BCAS3: variants seen among roughly 807,000 people sequenced by gnomAD.
The protein encoded by BCAS3 is BCAS4/BCAS3 fusion.
BCAS3 carries 53 observed loss-of-function variants against 116.1 expected under a neutral mutation model. The ratio of observed to expected loss-of-function variants is 0.46; its 90% CI spans 0.37 to 0.57. The LOEUF (loss-of-function observed/expected upper bound fraction) is 0.57. Among genes scored for constraint, BCAS3 ranks in the 20% least tolerant of loss-of-function variants. BCAS3 has a pLI of 0.00. For missense variants in BCAS3, 917 were observed against 1,165.4 expected (o/e 0.79, Z 3.10); for synonymous variants, 391 against 408.2 (o/e 0.96, Z 0.51).
intron 13 of BCAS3, among the ~76,000 whole-genome samples, chr17:60,934,519 T>G (rs1426922149): frequency 6.6e-6 from 1 of 152,230 alleles, no homozygotes; most frequent in Non-Finnish European, 1.5e-5. Context: ...GGTACATACA[T>G]GCAAAGCAGC....
At chr17:60,880,935 G>A (rs1336443234) in intron 9 of BCAS3, among the ~76,000 whole-genome samples, 1 of 150,490 alleles carries the variant, frequency 6.6e-6, no homozygotes, top group East Asian at 1.9e-4. Context: ...TCTTTAGATT[G>A]TCTTTTCACT....
chr17:60,710,470 T>C lies in BCAS3; in HGVS notation c.321+1145T>C, dbSNP rs182336522. 3.4e-3 allele frequency among the ~76,000 whole-genome samples: 513 copies of C among 151,402 alleles called. 7 individuals carry two copies. The East Asian group carries it at 0.057, about 17-fold the overall frequency. ...TTTTTGAGACAGAGTTTCACTCTGT[T>C]GCCCAGGCTGGAGTGCAGTGGCGCA... On this transcript the variant is annotated intron_variant, in intron 5 of 23. Coordinates refer to ENST00000407086, the MANE Select transcript of BCAS3 (RefSeq NM_017679.5).
intron 22 of BCAS3, among the ~76,000 whole-genome samples, chr17:61,096,402 T>G (rs1319241043): frequency 1.3e-5 from 2 of 152,086 alleles, no homozygotes; most frequent in African/African-American, 2.4e-5. Context: ...AAAAAAAATT[T>G]TTAAATTAGC....
chr17:61,210,027 T>C (rs978524209), intron 22 of BCAS3, among the ~76,000 whole-genome samples: 7 of 152,218 alleles, frequency 4.6e-5, no homozygotes, highest in African/African-American at 1.7e-4. Flanking sequence ...AGAAACCCAG[T>C]TGAATGTGGT....
intron 22 of BCAS3, among the ~76,000 whole-genome samples, chr17:61,329,775 C>A (rs1189981434): frequency 2.4e-5 from 3 of 127,490 alleles, no homozygotes; most frequent in African/African-American, 7.9e-5. Flanking sequence ...TTCCATCCTA[C>A]GTTCGTCCTC....
rs1349994948 is a variant in BCAS3, at chr17:61,122,328, A to G, written c.2425+37764A>G. Among the ~76,000 whole-genome samples, 2 of 152,354 alleles carry G rather than the reference A, an allele frequency of 1.3e-5. No homozygotes were observed. The highest frequency in any genetic ancestry group is 4.8e-5 in the African/African-American group (2 of 41,582). ...AGGAGGCCTTCTGAAAATCTGTCTC[A>G]CATTCACTCAGGCTGCCCTTGGTTT... is the stretch of plus-strand genomic sequence containing the variant. On this transcript the variant is annotated intron_variant, in intron 22 of 23. Coordinates refer to ENST00000407086, the MANE Select transcript of BCAS3 (RefSeq NM_017679.5). The surrounding 1 kb of genome is among the most constrained non-coding windows in gnomAD (Gnocchi z 4.6).
At position 61,349,727 on chromosome 17, in the gene BCAS3, C is replaced by G. The variant is rs1401436256; in HGVS notation, c.2426-18600C>G. Among the ~76,000 whole-genome samples the G allele has an allele frequency of 1.3e-5, 2 of 152,180 alleles. No individual in the cohort carries two copies. Among genetic ancestry groups the G allele is most frequent in the Non-Finnish European group, 1.5e-5 (1 of 68,036 alleles). ...GGGCAATTGCCATGGAAAGAGCTAA[C>G]TCTACTTTTTTATATATTTAAGACC... On this transcript the variant is annotated intron_variant, in intron 22 of 23. Coordinates refer to ENST00000407086, the MANE Select transcript of BCAS3 (RefSeq NM_017679.5). The surrounding 1 kb of genome is among the most constrained non-coding windows in gnomAD (Gnocchi z 4.7).
intron 5 of BCAS3, among the ~76,000 whole-genome samples, chr17:60,719,862 A>G: frequency 6.6e-6 from 1 of 152,194 alleles, no homozygotes; most frequent in East Asian, 1.9e-4. Flanking sequence ...AAACCATGGT[A>G]AGTGGTTAGA....
At chr17:60,755,584 G>A (rs1598478201) in intron 6 of BCAS3, among the ~76,000 whole-genome samples, 1 of 152,238 alleles carries the variant, frequency 6.6e-6, no homozygotes, top group South Asian at 2.1e-4. Flanking sequence ...CACACTCCAT[G>A]TACATGATGT....
At chr17:60,809,006 A>G (rs1485107906) in intron 7 of BCAS3, among the ~76,000 whole-genome samples, 1 of 152,158 alleles carries the variant, frequency 6.6e-6, no homozygotes, top group Non-Finnish European at 1.5e-5. Context: ...TTTGTGGGCC[A>G]GGCATGGTGA....
rs1454736738 is a variant in BCAS3, at chr17:61,162,151, A to T, written c.2425+77587A>T. Among the ~76,000 whole-genome samples, 1 of 152,196 alleles carries T rather than the reference A, an allele frequency of 6.6e-6. No individual in the cohort carries two copies. The highest frequency in any genetic ancestry group is 1.5e-5 in the Non-Finnish European group (1 of 68,044). ...CTGGTCCTGCACCATGTTTTTCTTC[A>T]GTAAAAATTGAAGATATTTTATTGG... On this transcript the variant is annotated intron_variant, in intron 22 of 23. Coordinates refer to ENST00000407086, the MANE Select transcript of BCAS3 (RefSeq NM_017679.5). This position sits in a 1 kb window ranked among gnomAD's most constrained non-coding sequence, Gnocchi z 5.6.
At chr17:61,119,106 G>C (rs2075651194) in intron 22 of BCAS3, among the ~76,000 whole-genome samples, 1 of 152,092 alleles carries the variant, frequency 6.6e-6, no homozygotes, top group Admixed American at 6.6e-5. Flanking sequence ...TGCAGGCTGT[G>C]GCCTCTTGCC....
chr17:60,809,625 C>T (rs1324944899), intron 7 of BCAS3, among the ~76,000 whole-genome samples: 1 of 152,066 alleles, frequency 6.6e-6, no homozygotes, highest in Non-Finnish European at 1.5e-5. Context: ...ATATGCCTGC[C>T]AGCATTATCT....
chr17:60,920,728 G>A (rs1482367732), intron 12 of BCAS3, among the ~76,000 whole-genome samples: 1 of 152,056 alleles, frequency 6.6e-6, no homozygotes, highest in Admixed American at 6.5e-5. Flanking sequence ...AAATTAGCTG[G>A]GCGTGGTGGC....
At chr17:61,075,878 G>A (rs1283864246) in intron 20 of BCAS3, among the ~76,000 whole-genome samples, 2 of 152,066 alleles carry the variant, frequency 1.3e-5, no homozygotes, top group African/African-American at 4.8e-5. Context: ...CTACAACATT[G>A]CTGGGACTGC....
In BCAS3 at chr17:61,095,592, G is replaced by A. The variant is rs183699920; in HGVS notation, c.2425+11028G>A. 8.7e-4 allele frequency among the ~76,000 whole-genome samples: 132 copies of A among 151,874 alleles called. 1 individual carries two copies. Among genetic ancestry groups the A allele is most frequent in the South Asian group, 1.5e-3 (7 of 4,786 alleles). ...AGTGCTTCTCCTGCCTCAGCCTCCC[G>A]AGTAGCTGGGACTCCAGGCATGCAC... On this transcript the variant is annotated intron_variant, in intron 22 of 23. Coordinates refer to ENST00000407086, the MANE Select transcript of BCAS3 (RefSeq NM_017679.5). This position sits in a 1 kb window ranked among gnomAD's most constrained non-coding sequence, Gnocchi z 4.7.
chr17:60,770,397 C>T (rs2044548312), intron 6 of BCAS3, among the ~76,000 whole-genome samples: 1 of 133,838 alleles, frequency 7.5e-6, no homozygotes, highest in South Asian at 2.4e-4. Flanking sequence ...CCCAGTGTTC[C>T]CTCTTTTTTT....
At chr17:60,919,759 C>A (rs764162612) in intron 12 of BCAS3, among the ~76,000 whole-genome samples, 1 of 151,760 alleles carries the variant, frequency 6.6e-6, no homozygotes, top group African/African-American at 2.4e-5. Flanking sequence ...GTAGCAGATG[C>A]CAGTATATTC....
intron 22 of BCAS3, among the ~76,000 whole-genome samples, chr17:61,298,859 G>T (rs1485234983): frequency 1.3e-5 from 2 of 151,368 alleles, no homozygotes; most frequent in African/African-American, 4.9e-5. Context: ...GTCTTGCCCT[G>T]TCGCCTAGGC....
Sources: allele counts gnomAD v4.1 joint callset (sites outside exome capture counted in the v4.1 genomes callset), GRCh38; gene constraint gnomAD v4.1.1; non-coding constraint Gnocchi (gnomAD v3.1); transcripts MANE v1.5; gene names NCBI Gene and HGNC (gene_info 2026-07-23, HGNC 2026-07-21).